IL1RAPL2: variants seen among roughly 807,000 people sequenced by gnomAD.
IL1RAPL2 encodes the protein interleukin 1 receptor accessory protein like 2, also known as X-linked interleukin-1 receptor accessory protein-like 2.
IL1RAPL2 carries 3 observed loss-of-function variants against 44.1 expected under a neutral mutation model. The observed-to-expected ratio is 0.07, with a 90% CI of 0.03 to 0.18. The LOEUF is 0.18. Among genes scored for constraint, IL1RAPL2 ranks in the 10% least tolerant of loss-of-function variants. The probability of loss-of-function intolerance (pLI) is 1.00; values close to 1 mark genes in which losing one functional copy is unlikely to be tolerated. For missense variants in IL1RAPL2, 391 were observed against 496.4 expected (o/e 0.79, Z 2.02); for synonymous variants, 181 against 178.8 (o/e 1.01, Z -0.10).
chrX:104,631,882 T>C (rs2148012028), intron 1 of IL1RAPL2, among the ~76,000 whole-genome samples: 1 of 110,114 alleles, frequency 9.1e-6, no homozygotes, highest in Admixed American at 9.7e-5. Flanking sequence ...TTTGTTGCCA[T>C]TGCTTTTGGT....
chrX:104,874,602 C>T (rs1279189181), intron 2 of IL1RAPL2, among the ~76,000 whole-genome samples: 8 of 110,807 alleles, frequency 7.2e-5, no homozygotes, highest in Admixed American at 1.9e-4. Flanking sequence ...AAGTAGAAAT[C>T]GGCAAAATTG....
intron 2 of IL1RAPL2, among the ~76,000 whole-genome samples, chrX:104,851,111 C>T (rs141124309): frequency 0.013 from 1,460 of 110,725 alleles, 18 homozygotes; most frequent in Non-Finnish European, 0.021. Context: ...CGTCGACTAC[C>T]CTACTAGCTT....
chrX:104,689,200 C>G (rs957115486), intron 2 of IL1RAPL2, among the ~76,000 whole-genome samples: 7 of 112,222 alleles, frequency 6.2e-5, no homozygotes, highest in African/African-American at 2.3e-4. Flanking sequence ...TTATGTAACA[C>G]ATTTTCATTG....
intron 1 of IL1RAPL2, among the ~76,000 whole-genome samples, chrX:104,626,760 G>A (rs1929514055): frequency 9.1e-6 from 1 of 110,139 alleles, no homozygotes; most frequent in African/African-American, 3.3e-5. Context: ...AATTGATTAA[G>A]CTCAATTGGA....
chrX:104,981,536 A>G (rs2030439978), intron 2 of IL1RAPL2, among the ~76,000 whole-genome samples: 1 of 110,661 alleles, frequency 9.0e-6, no homozygotes, highest in Non-Finnish European at 1.9e-5. Flanking sequence ...AGAAAGTTTG[A>G]TTTCCTCTCT....
At chrX:105,506,315 C>T (rs1453964227) in intron 6 of IL1RAPL2, among the ~76,000 whole-genome samples, 1 of 111,598 alleles carries the variant, frequency 9.0e-6, no homozygotes, top group Non-Finnish European at 1.9e-5. Context: ...ATGATTTTGA[C>T]TGTGGCCACT....
chrX:105,541,028 T>C (rs2036730034), intron 6 of IL1RAPL2, among the ~76,000 whole-genome samples: 1 of 102,190 alleles, frequency 9.8e-6, no homozygotes, highest in Non-Finnish European at 2.0e-5. Flanking sequence ...ATATTGCCAT[T>C]TGCTTAGTCA....
At chrX:104,677,366 T>G (rs901831890) in intron 2 of IL1RAPL2, among the ~76,000 whole-genome samples, 12 of 109,742 alleles carry the variant, frequency 1.1e-4, no homozygotes, top group Non-Finnish European at 1.9e-4. Context: ...GTGTGAGGTG[T>G]CACTGTGCCC....
At chrX:105,158,133 G>A (rs2033285711) in intron 2 of IL1RAPL2, among the ~76,000 whole-genome samples, 1 of 111,399 alleles carries the variant, frequency 9.0e-6, no homozygotes, top group African/African-American at 3.3e-5. Flanking sequence ...CGAGGCGGGC[G>A]GATCACGAGT....
In IL1RAPL2 at chrX:104,947,301, A is replaced by G. The variant is rs1925409087; in HGVS notation, c.83-248174A>G. Among the ~76,000 whole-genome samples, 14 of 102,294 alleles carry G rather than the reference A, an allele frequency of 1.4e-4. No individual in the cohort carries two copies. In the South Asian group the frequency reaches 6.5e-3, roughly 47 times the overall value. The allele number at this position is 102,294 out of a possible 115,157, so 88.8% of individuals were successfully genotyped here. Reference sequence around the variant, plus strand: ...TTGTAAATTTGTTGGAGTTCATTGTAGATTCTGGATATTAGCCCTTTGTCA... The same window carrying G: ...TTGTAAATTTGTTGGAGTTCATTGTGGATTCTGGATATTAGCCCTTTGTCA... On this transcript the variant is annotated intron_variant, in intron 2 of 10. Coordinates refer to ENST00000372582, the MANE Select transcript of IL1RAPL2 (RefSeq NM_017416.2).
intron 2 of IL1RAPL2, among the ~76,000 whole-genome samples, chrX:104,928,949 T>G (rs975177225): frequency 8.9e-6 from 1 of 111,770 alleles, no homozygotes; most frequent in Non-Finnish European, 1.9e-5. Context: ...TAATGTTTTC[T>G]TAGATTCACT....
At chrX:105,604,942 A>AT (rs2037282541) in intron 6 of IL1RAPL2, among the ~76,000 whole-genome samples, 1 of 110,757 alleles carries the variant, frequency 9.0e-6, no homozygotes, top group Non-Finnish European at 1.9e-5. Context: ...TGTCTTCATG[A>AT]TAAAAAAAAA....
At chrX:105,132,159 C>G (rs1315839823) in intron 2 of IL1RAPL2, among the ~76,000 whole-genome samples, 1 of 93,982 alleles carries the variant, frequency 1.1e-5, no homozygotes, top group Non-Finnish European at 2.1e-5. Flanking sequence ...CCCAAAGAAT[C>G]AAGAAAAAAA....
At chrX:104,801,806 T>C (rs1338125337) in intron 2 of IL1RAPL2, among the ~76,000 whole-genome samples, 1 of 111,955 alleles carries the variant, frequency 8.9e-6, no homozygotes, top group African/African-American at 3.2e-5. Flanking sequence ...GTTTCCATTT[T>C]TATTTCCACC....
intron 6 of IL1RAPL2, among the ~76,000 whole-genome samples, chrX:105,665,344 CGTGT>C (rs58453498): frequency 3.4e-3 from 339 of 98,483 alleles, no homozygotes; most frequent in Middle Eastern, 0.01. Flanking sequence ...TATGCGCGTG[CGTGT>C]GTGTGTGTGT....
At position 105,738,560 on chromosome X, in the gene IL1RAPL2, T is replaced by C. The variant is rs1395508176; in HGVS notation, c.903-1986T>C. Among the ~76,000 whole-genome samples, 7 of 111,513 alleles carry C rather than the reference T, an allele frequency of 6.3e-5. No homozygotes were observed. In the South Asian group the frequency reaches 2.6e-3, roughly 42 times the overall value. On this transcript the variant is annotated intron_variant, in intron 7 of 10. Coordinates refer to ENST00000372582, the MANE Select transcript of IL1RAPL2 (RefSeq NM_017416.2). ...ATTTCCCATCTAAAATATTTCATGA[T>C]TGAAAAATATATGTATTTAAGAACC...
At chrX:105,204,033 T>C (rs2033739678) in intron 3 of IL1RAPL2, among the ~76,000 whole-genome samples, 1 of 111,946 alleles carries the variant, frequency 8.9e-6, no homozygotes, top group South Asian at 3.7e-4. Flanking sequence ...TCTAAACTAA[T>C]AGGTTCTGAC....
intron 2 of IL1RAPL2, among the ~76,000 whole-genome samples, chrX:104,691,197 G>T (rs1333520956): frequency 8.9e-6 from 1 of 112,223 alleles, no homozygotes; most frequent in East Asian, 2.8e-4. Context: ...GTTACCATGT[G>T]TATCACATTG....
chrX:104,788,356 T>G (rs1932809175), intron 2 of IL1RAPL2, among the ~76,000 whole-genome samples: 1 of 111,807 alleles, frequency 8.9e-6, no homozygotes, highest in Non-Finnish European at 1.9e-5. Context: ...TTGAGCAAAC[T>G]TCTCTAAAGT....
Sources: allele counts gnomAD v4.1 joint callset (sites outside exome capture counted in the v4.1 genomes callset), GRCh38; gene constraint gnomAD v4.1.1; transcripts MANE v1.5; gene names NCBI Gene and HGNC (gene_info 2026-07-23, HGNC 2026-07-21).